The following ATG7 variants were observed in gnomAD, a reference collection of about 807,000 sequenced individuals.
ATG7 encodes autophagy related 7, also known as ubiquitin-like modifier-activating enzyme ATG7.
Under a neutral mutation model 82.4 loss-of-function variants are expected in ATG7, and 70 were observed. The ratio of observed to expected loss-of-function variants is 0.85; its 90% CI spans 0.70 to 1.04. The LOEUF (loss-of-function observed/expected upper bound fraction) is 1.04, where lower values mean the gene tolerates loss of function less well. Ranked by LOEUF, ATG7 falls within the 50% of genes least tolerant of loss-of-function variation. The pLI, the probability that ATG7 is intolerant of heterozygous loss-of-function variation, is 0.00. For synonymous variants in ATG7, 287 were observed against 313.0 expected, an observed-to-expected ratio of 0.92 and a Z score of 0.88; for missense variants, 792 against 864.3, an observed-to-expected ratio of 0.92 and a Z score of 1.05.
chr3:11,540,595 C>T (rs972784745), intron 20 of ATG7, among the ~76,000 whole-genome samples: 3 of 151,750 alleles, frequency 2.0e-5, no homozygotes, highest in African/African-American at 7.3e-5. Flanking sequence ...GAGCAGTGAT[C>T]GCACCACTGT....
At chr3:11,504,746 AAAC>A (rs1304724905) in intron 20 of ATG7, among the ~76,000 whole-genome samples, 1 of 152,242 alleles carries the variant, frequency 6.6e-6, no homozygotes. Context: ...ATTCCAGGGA[AAAC>A]AATGTTGTAC....
At chr3:11,448,843 T>C (rs1028080431) in intron 20 of ATG7, among the ~76,000 whole-genome samples, 1 of 152,192 alleles carries the variant, frequency 6.6e-6, no homozygotes, top group Admixed American at 6.5e-5. Context: ...TGTCCCTGGA[T>C]GTTTGTCCAC....
At chr3:11,462,243 C>G (rs971551273) in intron 20 of ATG7, among the ~76,000 whole-genome samples, 1 of 151,976 alleles carries the variant, frequency 6.6e-6, no homozygotes, top group Non-Finnish European at 1.5e-5. Context: ...AGGGCCCTCT[C>G]GTCACCATTG....
chr3:11,486,346 A>G (rs1182037592), intron 20 of ATG7, among the ~76,000 whole-genome samples: 1 of 152,124 alleles, frequency 6.6e-6, no homozygotes, highest in Non-Finnish European at 1.5e-5. Flanking sequence ...TTTGTCTGTT[A>G]TTGCTGTATA....
chr3:11,415,774 TA>T (rs1461337052), intron 19 of ATG7, among the ~76,000 whole-genome samples: 5 of 134,844 alleles, frequency 3.7e-5, no homozygotes, highest in East Asian at 2.2e-4. Flanking sequence ...TTTTTTTTTT[TA>T]AATAAGTAGA....
chr3:11,472,816 A>G (rs2454491), intron 20 of ATG7, among the ~76,000 whole-genome samples: 113,540 of 151,488 alleles, frequency 0.75, 43,066 homozygotes, highest in East Asian at 0.98. Context: ...TTTGTGCTGG[A>G]GACTTGGAAT....
intron 20 of ATG7, among the ~76,000 whole-genome samples, chr3:11,485,376 T>A (rs1167355323): frequency 2.6e-5 from 4 of 152,236 alleles, no homozygotes. Flanking sequence ...TCGCCCACTT[T>A]TCGATGGGGT....
chr3:11,520,731 T>C (rs1165416562), intron 20 of ATG7, among the ~76,000 whole-genome samples: 1 of 152,242 alleles, frequency 6.6e-6, no homozygotes, highest in African/African-American at 2.4e-5. Flanking sequence ...TCTGTGGATC[T>C]GGGCCTTGGC....
intron 13 of ATG7, chr3:11,346,502 T>G (rs1954572340): frequency 6.6e-6 from 1 of 152,238 alleles, no homozygotes; most frequent in Non-Finnish European, 1.5e-5. Context: ...CATTGAGTAT[T>G]GTGATTTTCT....
chr3:11,293,726 C>G (rs1945360291), intron 3 of ATG7, among the ~76,000 whole-genome samples: 1 of 151,856 alleles, frequency 6.6e-6, no homozygotes, highest in Non-Finnish European at 1.5e-5. Context: ...TGGCTCACGC[C>G]TGTAATCCCA....
intron 14 of ATG7, among the ~76,000 whole-genome samples, chr3:11,353,111 GA>G (rs1183081578): frequency 1.3e-5 from 2 of 152,022 alleles, no homozygotes; most frequent in African/African-American, 2.4e-5. Flanking sequence ...ATTTGACTTG[GA>G]AAAGAAAAAA....
intron 14 of ATG7, among the ~76,000 whole-genome samples, chr3:11,353,093 C>T (rs1275704775): frequency 6.6e-6 from 1 of 152,108 alleles, no homozygotes; most frequent in Non-Finnish European, 1.5e-5. Context: ...TGCTTGAAGT[C>T]GAGTGACATT....
intron 20 of ATG7, among the ~76,000 whole-genome samples, chr3:11,502,358 A>T (rs1347203675): frequency 7.5e-6 from 1 of 134,060 alleles, no homozygotes; most frequent in African/African-American, 2.8e-5. Flanking sequence ...ATATCTCCCA[A>T]TGCTATCCCT....
intron 12 of ATG7, among the ~76,000 whole-genome samples, chr3:11,341,868 C>T (rs1014539628): frequency 2.6e-5 from 4 of 152,112 alleles, no homozygotes; most frequent in African/African-American, 9.7e-5. Flanking sequence ...CACCATGATT[C>T]CTATCACTGG....
intron 20 of ATG7, among the ~76,000 whole-genome samples, chr3:11,542,121 G>A (rs1057199099): frequency 2.6e-5 from 4 of 152,218 alleles, no homozygotes; most frequent in African/African-American, 4.8e-5. Context: ...TCGCGTCAGC[G>A]ACAGGAGCCA....
intron 20 of ATG7, among the ~76,000 whole-genome samples, chr3:11,494,881 G>C (rs777384252): frequency 2.6e-5 from 4 of 152,156 alleles, no homozygotes; most frequent in Non-Finnish European, 5.9e-5. Flanking sequence ...AGACCAGCCT[G>C]ACCAACATGG....
intron 20 of ATG7, among the ~76,000 whole-genome samples, chr3:11,491,465 C>T (rs1391613144): frequency 1.3e-5 from 2 of 152,230 alleles, no homozygotes; most frequent in East Asian, 3.8e-4. Flanking sequence ...GCCTTCTTCT[C>T]TCAACTCGTC....
At chr3:11,421,674 C>G (rs1434246960) in intron 19 of ATG7, among the ~76,000 whole-genome samples, 1 of 152,178 alleles carries the variant, frequency 6.6e-6, no homozygotes, top group African/African-American at 2.4e-5. Flanking sequence ...CACGAATACT[C>G]GTATCTAGAA....
chr3:11,441,983 T>TA (rs2084020493), intron 20 of ATG7, among the ~76,000 whole-genome samples: 1 of 152,104 alleles, frequency 6.6e-6, no homozygotes, highest in Admixed American at 6.5e-5. Flanking sequence ...TGTATTTTTT[T>TA]ATAAAGATGA....
Sources: allele counts gnomAD v4.1 joint callset (sites outside exome capture counted in the v4.1 genomes callset), GRCh38; gene constraint gnomAD v4.1.1; transcripts MANE v1.5; gene names NCBI Gene and HGNC (gene_info 2026-07-23, HGNC 2026-07-21).